Variants in SYNPR observed in about 807,000 individuals in gnomAD.
SYNPR encodes the protein synaptoporin.
A neutral mutation model predicts 32.9 loss-of-function variants in SYNPR; 23 were observed. The observed-to-expected ratio is 0.70, with a 90% CI of 0.50 to 0.99. The LOEUF (loss-of-function observed/expected upper bound fraction) is 0.99, where lower values mean the gene tolerates loss of function less well. Ranked by LOEUF, SYNPR falls within the 50% of genes least tolerant of loss-of-function variation. The pLI, the probability that SYNPR is intolerant of heterozygous loss-of-function variation, is 0.00. For missense variants in SYNPR, 318 were observed against 349.3 expected (o/e 0.91, Z 0.71); for synonymous variants, 146 against 135.9 (o/e 1.07, Z -0.52).
intron 4 of SYNPR, among the ~76,000 whole-genome samples, chr3:63,575,013 A>T (rs1176861083): frequency 6.6e-6 from 1 of 151,996 alleles, no homozygotes; most frequent in African/African-American, 2.4e-5. Context: ...TCCCACATAC[A>T]CATGACTGTG....
intron 4 of SYNPR, among the ~76,000 whole-genome samples, chr3:63,605,101 G>A (rs1271533093): frequency 1.3e-5 from 2 of 152,136 alleles, no homozygotes; most frequent in Non-Finnish European, 2.9e-5. Flanking sequence ...TGCATCCATG[G>A]AACTGACATC....
intron 2 of SYNPR, among the ~76,000 whole-genome samples, chr3:63,335,766 CTTTTT>C (rs3082128): frequency 0.33 from 30,857 of 92,960 alleles, 4,412 homozygotes; most frequent in South Asian, 0.51. Flanking sequence ...TATTAGCTTC[CTTTTT>C]TTTTTTTTTT....
At chr3:63,277,868 C>G (rs899775759), upstream of SYNPR, among the ~76,000 whole-genome samples, 2 of 152,138 alleles carry the variant, frequency 1.3e-5, no homozygotes, top group East Asian at 3.9e-4. Flanking sequence ...TACCCCAGCA[C>G]CTAAGCACTG....
intron 2 of SYNPR, among the ~76,000 whole-genome samples, chr3:63,405,760 G>C (rs755949535): frequency 1.7e-4 from 26 of 152,252 alleles, no homozygotes; most frequent in Non-Finnish European, 3.4e-4. Flanking sequence ...ATGTGCCAGA[G>C]GATAGAAGAG....
intron 3 of SYNPR, among the ~76,000 whole-genome samples, chr3:63,534,443 A>G (rs1397219790): frequency 6.6e-6 from 1 of 152,146 alleles, no homozygotes; most frequent in Non-Finnish European, 1.5e-5. Context: ...TAACACATAA[A>G]AGTCACATTT....
chr3:63,391,570 G>A (rs943457537), intron 2 of SYNPR, among the ~76,000 whole-genome samples: 1 of 152,072 alleles, frequency 6.6e-6, no homozygotes, highest in African/African-American at 2.4e-5. Context: ...ATATATACAT[G>A]TATGATACAT....
At chr3:63,493,063 G>C (rs1446759005) in intron 3 of SYNPR, among the ~76,000 whole-genome samples, 1 of 152,090 alleles carries the variant, frequency 6.6e-6, no homozygotes, top group Non-Finnish European at 1.5e-5. Context: ...ATTCCTGAAA[G>C]AAAGAAATGT....
chr3:63,459,042 C>T (rs1376476), intron 2 of SYNPR, among the ~76,000 whole-genome samples: 102,596 of 151,692 alleles, frequency 0.68, 35,509 homozygotes, highest in African/African-American at 0.83. Flanking sequence ...TCTTTGTCTC[C>T]CATTGTTCTT....
At chr3:63,233,081 C>T (rs1173909593) in intron 1 of SYNPR, among the ~76,000 whole-genome samples, 1 of 152,134 alleles carries the variant, frequency 6.6e-6, no homozygotes, top group African/African-American at 2.4e-5. Context: ...AAATTTTAAT[C>T]ATCTCAAAAT....
chr3:63,479,108 TC>T (rs1356575611), intron 2 of SYNPR, among the ~76,000 whole-genome samples: 3 of 152,126 alleles, frequency 2.0e-5, no homozygotes, highest in African/African-American at 7.2e-5. Context: ...CTTCATCAAA[TC>T]CTGTGCAACG....
At chr3:63,602,958 G>C (rs1700066610) in intron 4 of SYNPR, among the ~76,000 whole-genome samples, 1 of 152,134 alleles carries the variant, frequency 6.6e-6, no homozygotes, top group Non-Finnish European at 1.5e-5. Context: ...TAACAATATG[G>C]ATTCTTCCTC....
chr3:63,302,934 C>G (rs916712577), intron 2 of SYNPR, among the ~76,000 whole-genome samples: 2 of 151,748 alleles, frequency 1.3e-5, no homozygotes, highest in Admixed American at 1.3e-4. Context: ...AAAGAAAAGA[C>G]AAATATTTAA....
At chr3:63,537,238 CTTTTA>C (rs770043106) in intron 3 of SYNPR, among the ~76,000 whole-genome samples, 74 of 152,152 alleles carry the variant, frequency 4.9e-4, no homozygotes, top group Non-Finnish European at 8.5e-4. Flanking sequence ...TTTTCAGACT[CTTTTA>C]TAACTATGTA....
At chr3:63,513,669 GT>G (rs1164285213) in intron 3 of SYNPR, among the ~76,000 whole-genome samples, 1 of 152,194 alleles carries the variant, frequency 6.6e-6, no homozygotes, top group East Asian at 1.9e-4. Context: ...GGTATAGTGG[GT>G]TGAATTGTGC....
intron 2 of SYNPR, among the ~76,000 whole-genome samples, chr3:63,476,324 G>GGAA (rs1261067528): frequency 3.2e-3 from 258 of 80,626 alleles, no homozygotes; most frequent in Non-Finnish European, 4.7e-3. Flanking sequence ...AGGGAAGCAA[G>GGAA]GGAAGGAAGG....
At chr3:63,219,290 G>A in the SYNPR span, among the ~76,000 whole-genome samples, 1 of 152,186 alleles carries the variant, frequency 6.6e-6, no homozygotes, top group Non-Finnish European at 1.5e-5. Flanking sequence ...ATTTTGGCAC[G>A]TCCAAGAAAC....
chr3:63,426,845 G>T (rs1160420519), intron 2 of SYNPR: 1 of 152,072 alleles, frequency 6.6e-6, no homozygotes, highest in Non-Finnish European at 1.5e-5. Flanking sequence ...TTCCACTGCA[G>T]GGCAGTTCTG....
chr3:63,247,265 GT>G (rs34239130), intron 1 of SYNPR, among the ~76,000 whole-genome samples: 78 of 148,944 alleles, frequency 5.2e-4, no homozygotes, highest in South Asian at 4.3e-4. Flanking sequence ...CATAAGAAAT[GT>G]TTTTTTTTTC....
intron 3 of SYNPR, among the ~76,000 whole-genome samples, chr3:63,523,522 C>G (rs957550695): frequency 2.0e-5 from 3 of 152,110 alleles, no homozygotes; most frequent in Non-Finnish European, 4.4e-5. Context: ...CCCTAATCAC[C>G]AAAGGTAGTA....
Sources: allele counts gnomAD v4.1 joint callset (sites outside exome capture counted in the v4.1 genomes callset), GRCh38; gene constraint gnomAD v4.1.1; transcripts MANE v1.5; gene names NCBI Gene and HGNC (gene_info 2026-07-23, HGNC 2026-07-21).